LIMS1: variants seen among roughly 807,000 people sequenced by gnomAD.
LIMS1 encodes the protein LIM and senescent cell antigen-like-containing domain protein 1.
In LIMS1, 18 loss-of-function variants were observed where a neutral mutation model predicts 44.1. The ratio of observed to expected loss-of-function variants is 0.41; its 90% CI spans 0.28 to 0.61. The LOEUF is 0.61. Among genes scored for constraint, LIMS1 ranks in the 20% least tolerant of loss-of-function variants. The pLI is 0.32. For synonymous variants in LIMS1, 93 were observed against 149.1 expected, an observed-to-expected ratio of 0.62 and a Z score of 2.74; for missense variants, 201 against 422.0, an observed-to-expected ratio of 0.48 and a Z score of 4.59.
intron 1 of LIMS1, among the ~76,000 whole-genome samples, chr2:108,638,442 G>GATA (rs1484875783): frequency 6.6e-6 from 1 of 152,106 alleles, no homozygotes; most frequent in Non-Finnish European, 1.5e-5. Flanking sequence ...GTGCCATGAG[G>GATA]GGTATAAAGA....
intron 1 of LIMS1, among the ~76,000 whole-genome samples, chr2:108,584,622 C>T (rs17020505): frequency 0.02 from 3,058 of 152,112 alleles, 61 homozygotes; most frequent in African/African-American, 0.047. Context: ...GAATGTATAA[C>T]GGGATCCCTG....
chr2:108,615,217 G>T (rs1404619471), intron 1 of LIMS1, among the ~76,000 whole-genome samples: 1 of 152,186 alleles, frequency 6.6e-6, no homozygotes, highest in Non-Finnish European at 1.5e-5. Context: ...GCTCTCATTT[G>T]TGAAGAGTAC....
At chr2:108,652,241 C>T (rs1318596749) in intron 1 of LIMS1, among the ~76,000 whole-genome samples, 6 of 152,216 alleles carry the variant, frequency 3.9e-5, no homozygotes, top group Non-Finnish European at 7.3e-5. Flanking sequence ...ATATTCAATA[C>T]AGAAATTTCT....
At chr2:108,685,725 C>T (rs952446801) in exon 10 of LIMS1, 5 of 152,076 alleles carry the variant, frequency 3.3e-5, no homozygotes, top group African/African-American at 1.2e-4. Context: ...ATCAAAGTCC[C>T]TTCAGTGTGC....
At chr2:108,623,712 T>C (rs1389176358) in intron 1 of LIMS1, among the ~76,000 whole-genome samples, 2 of 152,372 alleles carry the variant, frequency 1.3e-5, no homozygotes, top group East Asian at 3.9e-4. Context: ...ATCAAACATC[T>C]TTCATACTGT....
intron 1 of LIMS1, among the ~76,000 whole-genome samples, chr2:108,551,974 T>C (rs1275041596): frequency 6.9e-6 from 1 of 144,614 alleles, no homozygotes; most frequent in Non-Finnish European, 1.5e-5. Context: ...TATATATATG[T>C]ATATATATGG....
At chr2:108,680,282 G>A (rs1032685023) in intron 8 of LIMS1, among the ~76,000 whole-genome samples, 6 of 149,640 alleles carry the variant, frequency 4.0e-5, no homozygotes, top group South Asian at 2.1e-4. Flanking sequence ...CAGGAGAATC[G>A]CTTGAACCCA....
At chr2:108,669,269 A>G (rs554612668) in intron 2 of LIMS1, among the ~76,000 whole-genome samples, 1 of 152,184 alleles carries the variant, frequency 6.6e-6, no homozygotes, top group Non-Finnish European at 1.5e-5. Flanking sequence ...TTAGCTGGAC[A>G]TGGTGGTGGG....
intron 1 of LIMS1, among the ~76,000 whole-genome samples, chr2:108,557,379 T>C (rs1019164290): frequency 6.6e-6 from 1 of 151,872 alleles, no homozygotes; most frequent in African/African-American, 2.4e-5. Context: ...GCCCAGCCTT[T>C]TTTTCTTAAG....
At chr2:108,645,424 G>A (rs1018701440) in intron 1 of LIMS1, among the ~76,000 whole-genome samples, 15 of 152,006 alleles carry the variant, frequency 9.9e-5, no homozygotes, top group Non-Finnish European at 2.2e-4. Flanking sequence ...AATAAAATCC[G>A]TCACAGACAA....
intron 1 of LIMS1, among the ~76,000 whole-genome samples, chr2:108,543,424 G>C (rs1224829801): frequency 1.3e-5 from 2 of 152,212 alleles, no homozygotes; most frequent in African/African-American, 4.8e-5. Context: ...CCTTATCAAA[G>C]GCTGGAGTGT....
At chr2:108,608,966 T>G (rs1176193237) in intron 1 of LIMS1, among the ~76,000 whole-genome samples, 1 of 152,224 alleles carries the variant, frequency 6.6e-6, no homozygotes, top group East Asian at 1.9e-4. Context: ...GGACTAATTT[T>G]GTGCTATATT....
chr2:108,547,265 T>C (rs10194708), intron 1 of LIMS1, among the ~76,000 whole-genome samples: 65,245 of 151,974 alleles, frequency 0.43, 15,399 homozygotes, highest in East Asian at 0.96. Context: ...TAGGGATTGC[T>C]CTGCTGTACC....
At chr2:108,601,560 A>C (rs1898556) in intron 1 of LIMS1, among the ~76,000 whole-genome samples, 119,461 of 152,232 alleles carry the variant, frequency 0.78, 47,863 homozygotes, top group East Asian at 1. Flanking sequence ...TGAAACAGCG[A>C]TGGATGAATG....
intron 1 of LIMS1, among the ~76,000 whole-genome samples, chr2:108,625,549 T>C (rs1261408159): frequency 6.6e-6 from 1 of 152,082 alleles, no homozygotes; most frequent in Non-Finnish European, 1.5e-5. Context: ...AAATCAGGGC[T>C]ACGTCAGCCA....
chr2:108,582,070 A>G (rs1431964201), intron 1 of LIMS1, among the ~76,000 whole-genome samples: 2 of 152,244 alleles, frequency 1.3e-5, no homozygotes, highest in Non-Finnish European at 2.9e-5. Context: ...GAATTTAGTT[A>G]CAGTGCTTTA....
intron 1 of LIMS1, among the ~76,000 whole-genome samples, chr2:108,584,339 C>G (rs1222267044): frequency 6.6e-6 from 1 of 152,146 alleles, no homozygotes; most frequent in Non-Finnish European, 1.5e-5. Flanking sequence ...CTTATTTTAG[C>G]TGGTGTGCTT....
intron 3 of LIMS1, chr2:108,671,101 G>T (rs943971085): frequency 4.3e-6 from 2 of 463,148 alleles, no homozygotes; most frequent in Non-Finnish European, 7.8e-6. Flanking sequence ...AACCCAGGGG[G>T]CAGAGGTTGC....
intron 1 of LIMS1, among the ~76,000 whole-genome samples, chr2:108,592,283 T>C (rs1686444641): frequency 6.6e-6 from 1 of 152,176 alleles, no homozygotes; most frequent in Non-Finnish European, 1.5e-5. Flanking sequence ...GAAATGTTGA[T>C]GTCCTGTAGA....
Sources: gnomAD v4.1 joint callset for allele counts (sites outside exome capture counted in the v4.1 genomes callset) on GRCh38, gnomAD v4.1.1 for gene constraint, MANE v1.5 for transcripts, NCBI Gene and HGNC (gene_info 2026-07-23, HGNC 2026-07-21) for gene names.